Variants in WDR19 observed in about 807,000 individuals in gnomAD.
WDR19 encodes WD repeat domain 19.
A neutral mutation model predicts 180.0 loss-of-function variants in WDR19; 121 were observed. The observed-to-expected ratio is 0.67, with a 90% CI of 0.58 to 0.78. The LOEUF (loss-of-function observed/expected upper bound fraction) is 0.78. WDR19 is among the 30% of genes least tolerant of loss of function. The pLI, the probability that WDR19 is intolerant of heterozygous loss-of-function variation, is 0.00. For missense variants in WDR19, 1,450 were observed against 1,640.7 expected (o/e 0.88, Z 2.01); for synonymous variants, 497 against 540.7 (o/e 0.92, Z 1.12).
intron 14 of WDR19, among the ~76,000 whole-genome samples, chr4:39,224,079 G>C (rs1729982235): frequency 6.6e-6 from 1 of 152,156 alleles, no homozygotes; most frequent in African/African-American, 2.4e-5. Flanking sequence ...TTATACCCAA[G>C]TATCTCATTT....
chr4:39,281,215 G>GTGTGTGTGTGTGTGTGTATATA lies in WDR19; in HGVS notation c.*13+2553_*13+2554insGTGTGTGTGTGTGTGTATATAT, dbSNP rs1167602972. On this transcript the variant is annotated intron_variant, in intron 36 of 36. Coordinates refer to ENST00000399820, the MANE Select transcript of WDR19 (RefSeq NM_025132.4). ...TTGTCCTAAATATATATGTGTGTGT[G>GTGTGTGTGTGTGTGTGTATATA]TATATATATATATATATATATAGAG... is the stretch of plus-strand genomic sequence containing the variant. 2.9e-4 allele frequency among the ~76,000 whole-genome samples: 32 copies of GTGTGTGTGTGTGTGTGTATATA among 110,128 alleles called. 3 individuals are homozygous for GTGTGTGTGTGTGTGTGTATATA. Among genetic ancestry groups the GTGTGTGTGTGTGTGTGTATATA allele is most frequent in the African/African-American group, 8.5e-4 (20 of 23,508 alleles). 72.2% of individuals were successfully genotyped at this position (110,128 alleles called of 152,430 possible).
chr4:39,199,625 A>G (rs1255400185), intron 6 of WDR19, 32 bp downstream of exon 6: 2 of 1,532,288 alleles, frequency 1.3e-6, no homozygotes, highest in Middle Eastern at 1.7e-4. Flanking sequence ...GGTCTGATAT[A>G]TTCAAGCTTT....
chr4:39,197,067 T>C (rs973141094), intron 5 of WDR19, among the ~76,000 whole-genome samples: 4 of 152,220 alleles, frequency 2.6e-5, no homozygotes, highest in Non-Finnish European at 5.9e-5. Flanking sequence ...AGTGCTTTAA[T>C]TCAATTGATC....
rs530092459 is a variant in WDR19, at chr4:39,205,505, A to G, written c.717-58A>G. ...ATTTTAAGGTACTTGCTAATTTACC[A>G]TGTTGCCACTGATAGCTAATCTCCT... On this transcript the variant is annotated intron_variant, in intron 8 of 36. Coordinates refer to ENST00000399820, the MANE Select transcript of WDR19 (RefSeq NM_025132.4). 3.1e-4 allele frequency: 471 copies of G among 1,542,906 alleles called. 2 individuals carry two copies. The highest frequency in any genetic ancestry group is 7.1e-4 in the Admixed American group (35 of 48,984).
chr4:39,276,764 G>A (rs1016853355), intron 33 of WDR19, among the ~76,000 whole-genome samples: 98 of 152,280 alleles, frequency 6.4e-4, no homozygotes, highest in African/African-American at 2.2e-3. Flanking sequence ...GCTTTCTGCC[G>A]TTGAATGTGC....
At chr4:39,194,865 T>C (rs374938031) in intron 5 of WDR19, 11 of 512,066 alleles carry the variant, frequency 2.1e-5, no homozygotes, top group African/African-American at 9.5e-5. Flanking sequence ...ATAGAATAGA[T>C]TGAGTTAAAG....
In WDR19 at chr4:39,182,531, A is replaced by G; in HGVS notation, c.-27A>G. The G allele has an allele frequency of 6.2e-7, 1 of 1,613,750 alleles. No individual in the cohort carries two copies. ...GACCGGGTGCGCCTGCGTACTTCAT[A>G]GTTCGCGTAGCGGCTCGAGCGTGGA... On this transcript the variant is annotated 5_prime_UTR_variant, in exon 1 of 37. It adds an upstream start codon to the 5' untranslated region. Transcript: ENST00000399820.
intron 23 of WDR19, 80 bp downstream of exon 23, chr4:39,244,632 C>A: frequency 6.8e-7 from 1 of 1,465,664 alleles, no homozygotes; most frequent in Admixed American, 1.7e-5. Context: ...GCCTCCTTGC[C>A]ATGCTTTCTC....
At chr4:39,204,291 G>A (rs1727711615) in intron 7 of WDR19, among the ~76,000 whole-genome samples, 1 of 151,954 alleles carries the variant, frequency 6.6e-6, no homozygotes, top group African/African-American at 2.4e-5. Context: ...CTCCATGTTG[G>A]TCAGGCTGGT....
chr4:39,222,239 T>A (rs1401789546), intron 14 of WDR19, among the ~76,000 whole-genome samples: 1 of 152,218 alleles, frequency 6.6e-6, no homozygotes, highest in African/African-American at 2.4e-5. Context: ...TCTGTTCAAA[T>A]TTTTTGACCA....
intron 4 of WDR19, among the ~76,000 whole-genome samples, chr4:39,192,995 C>T (rs187728107): frequency 2.6e-5 from 4 of 151,872 alleles, no homozygotes; most frequent in Admixed American, 1.3e-4. Context: ...TTTCTGCAAA[C>T]GGAGGGAAAT....
intron 9 of WDR19, among the ~76,000 whole-genome samples, chr4:39,213,519 G>T (rs1728746767): frequency 6.6e-6 from 1 of 152,194 alleles, no homozygotes; most frequent in Admixed American, 6.5e-5. Context: ...TTCTTGAAGA[G>T]ATAGAATTAT....
At chr4:39,199,417 C>T (rs1374869850) in intron 5 of WDR19, 61 bp from the exon 6 acceptor site, 1 of 1,249,004 alleles carries the variant, frequency 8.0e-7, no homozygotes, top group Admixed American at 2.1e-5. Context: ...TTCAGATTGG[C>T]ATCACAGATT....
At chr4:39,236,723 T>C (rs777552507) in intron 20 of WDR19, among the ~76,000 whole-genome samples, 4 of 152,224 alleles carry the variant, frequency 2.6e-5, no homozygotes, top group Admixed American at 6.5e-5. Context: ...CAGGAGGATA[T>C]TGAGTGCTTG....
At chr4:39,278,423 G>A in intron 35 of WDR19, 116 bp from the exon 36 acceptor site, 1 of 833,036 alleles carries the variant, frequency 1.2e-6, no homozygotes, top group Non-Finnish European at 1.9e-6. Flanking sequence ...CAAATTGCAT[G>A]GTGGACATGT....
At position 39,228,889 on chromosome 4, in the gene WDR19, T is replaced by A. The variant is rs899837535; in HGVS notation, c.1982+199T>A. On this transcript the variant is annotated intron_variant, in intron 17 of 36. Transcript: ENST00000399820. ...CATATGGTGAAGTCTGGGCTTTTAA[T>A]GTACCCATCACCAGAATAGTGAACA... Among the ~76,000 whole-genome samples, 3 of 152,126 alleles carry A rather than the reference T, an allele frequency of 2.0e-5. No homozygotes were observed. The East Asian group carries it at 5.8e-4, about 29-fold the overall frequency.
At chr4:39,194,783 C>T in intron 5 of WDR19, 124 bp downstream of exon 5, 1 of 650,240 alleles carries the variant, frequency 1.5e-6, no homozygotes, top group Non-Finnish European at 2.7e-6. Flanking sequence ...TCCCCATGTC[C>T]CTCCGCAAGT....
At chr4:39,269,237 G>T (rs1378384512) in intron 30 of WDR19, among the ~76,000 whole-genome samples, 1 of 152,216 alleles carries the variant, frequency 6.6e-6, no homozygotes, top group Non-Finnish European at 1.5e-5. Context: ...CGCCATTGGA[G>T]GGTTTTATGC....
At chr4:39,256,314 A>G (rs1733756146) in intron 27 of WDR19, among the ~76,000 whole-genome samples, 1 of 152,176 alleles carries the variant, frequency 6.6e-6, no homozygotes, top group African/African-American at 2.4e-5. Context: ...AGTTGCTTTC[A>G]CTGTTACAGA....
Sources: allele counts gnomAD v4.1 joint callset (sites outside exome capture counted in the v4.1 genomes callset), GRCh38; gene constraint gnomAD v4.1.1; transcripts MANE v1.5; gene names NCBI Gene and HGNC (gene_info 2026-07-23, HGNC 2026-07-21).